Variants in MORN1 observed in about 807,000 individuals in gnomAD.
MORN1 encodes the protein MORN repeat-containing protein 1.
MORN1 carries 67 observed loss-of-function variants against 61.9 expected under a neutral mutation model. The observed-to-expected ratio is 1.08, with a 90% CI of 0.89 to 1.33. The LOEUF (loss-of-function observed/expected upper bound fraction) is 1.33. MORN1 is among the 40% of genes most tolerant of loss of function. The pLI is 0.00. For synonymous variants in MORN1, 301 were observed against 292.0 expected, an observed-to-expected ratio of 1.03 and a Z score of -0.31; for missense variants, 752 against 691.2, an observed-to-expected ratio of 1.09 and a Z score of -0.99.
Position 2,336,511 on chromosome 1 carries a change from C to G in MORN1, c.1208G>C (p.Arg403Thr). 1 of 1,612,792 alleles carries G rather than the reference C, an allele frequency of 6.2e-7. No individual in the cohort carries two copies. The highest frequency in any genetic ancestry group is 8.5e-7 in the Non-Finnish European group (1 of 1,179,820). The change falls in exon 12 of 14, where the codon AGG becomes ACG. Residue 403 changes from arginine (R) to threonine (T), a missense_variant. Coordinates refer to ENST00000378531, the MANE Select transcript of MORN1 (RefSeq NM_024848.3). ...GGRSRGGLHP[R>T]GTPPTAQEPP... ...CTCCTGTGCCGTGGGTGGTGTCCCC[C>G]TGGGGTGCAGGCCGCCTCTGGATCT...
chr1:2,389,322 G>A (rs1415059406), intron 2 of MORN1, among the ~76,000 whole-genome samples: 2 of 152,220 alleles, frequency 1.3e-5, no homozygotes, highest in African/African-American at 4.8e-5. Context: ...AGGCTGGAGT[G>A]CAGTGGCACA....
In MORN1 at chr1:2,357,950, G is replaced by A. The variant is rs893551978; in HGVS notation, c.870-352C>T. Among the ~76,000 whole-genome samples, 3 of 152,204 alleles carry A rather than the reference G, an allele frequency of 2.0e-5. No individual in the cohort carries two copies. The highest frequency in any genetic ancestry group is 4.8e-5 in the African/African-American group (2 of 41,448). ...CAGTCCTTAACTCAGGAGAAGGGCC[G>A]GTGGGAAAAGGGAGTGTGAGAGCTG... is the stretch of plus-strand genomic sequence containing the variant. On this transcript the variant is annotated intron_variant, in intron 9 of 13. Transcript: ENST00000378531. The surrounding 1 kb of genome is among the most constrained non-coding windows in gnomAD (Gnocchi z 6.3).
At chr1:2,355,928 G>C (rs946740877) in intron 10 of MORN1, among the ~76,000 whole-genome samples, 4 of 152,216 alleles carry the variant, frequency 2.6e-5, no homozygotes, top group Non-Finnish European at 4.4e-5. Context: ...TTTGGGGCCT[G>C]CTAGGCTGGC....
rs1233852638 is a variant in MORN1, at chr1:2,321,356, G to A, written c.*27C>T. ...GGCAGCGTTTCCTTCCATTCACACC[G>A]AGGTGGCCTCCTGTGGACACGGGGC... is the stretch of plus-strand genomic sequence containing the variant. On this transcript the variant is annotated 3_prime_UTR_variant, in exon 14 of 14. Transcript: ENST00000378531. The A allele has an allele frequency of 2.8e-6, 4 of 1,431,670 alleles. No homozygotes were observed. The highest frequency in any genetic ancestry group is 2.6e-5 in the Admixed American group (1 of 37,834). 88.7% of individuals were successfully genotyped at this position (1,431,670 alleles called of 1,614,324 possible).
At chr1:2,374,434 T>G (rs1642190043) in intron 7 of MORN1, 27 bp downstream of exon 7, 2 of 1,546,060 alleles carry the variant, frequency 1.3e-6, no homozygotes, top group Non-Finnish European at 1.8e-6. Flanking sequence ...GACCTCACAG[T>G]GCCCACAGGA....
rs1557875245 is a variant in MORN1 at position 2,346,150 on chromosome 1, AGGAACCTTCCTCAGACAAAGCCACCAG to A, written c.1037-9327_1037-9301del. On this transcript the variant is annotated intron_variant, in intron 10 of 13. Transcript: ENST00000378531. ...GGAACCTTCCTCACACAAAGCCACC[AGGAACCTTCCTCAGACAAAGCCACCAG>A]GGAACCTTCCTCAGACAAAGCCACC... Among the ~76,000 whole-genome samples, 7 of 151,402 alleles carry A rather than the reference AGGAACCTTCCTCAGACAAAGCCACCAG, an allele frequency of 4.6e-5. No homozygotes were observed. The East Asian group carries it at 9.9e-4, about 22-fold the overall frequency.
intron 13 of MORN1, chr1:2,322,541 G>T: frequency 9.1e-6 from 9 of 985,078 alleles, no homozygotes; most frequent in Non-Finnish European, 1.1e-5. Context: ...GCTTGGCCCC[G>T]AGTCAGCTCC....
intron 10 of MORN1, among the ~76,000 whole-genome samples, chr1:2,353,739 C>T (rs867938442): frequency 1.3e-5 from 2 of 152,228 alleles, no homozygotes; most frequent in African/African-American, 4.8e-5. Context: ...CTCCAGGTAC[C>T]GAGAGAGGCC....
chr1:2,383,237 T>C (rs1642411717), intron 6 of MORN1, among the ~76,000 whole-genome samples: 1 of 152,238 alleles, frequency 6.6e-6, no homozygotes, highest in African/African-American at 2.4e-5. Flanking sequence ...AAGGCGGGAC[T>C]GTGGGAGGTA....
intron 6 of MORN1, chr1:2,378,716 TGTCTGCTCC>T: frequency 2.8e-6 from 1 of 358,902 alleles, no homozygotes; most frequent in Non-Finnish European, 5.5e-6. Flanking sequence ...GCCTCTACTC[TGTCTGCTCC>T]GTCTCCCACC....
intron 12 of MORN1, among the ~76,000 whole-genome samples, chr1:2,335,403 G>T (rs1038473139): frequency 2.6e-5 from 4 of 152,206 alleles, no homozygotes; most frequent in Non-Finnish European, 4.4e-5. Flanking sequence ...CAGAGGCAGA[G>T]GAGGTCTCGA....
At position 2,351,559 on chromosome 1, in the gene MORN1, G is replaced by A. The variant is rs189945966; in HGVS notation, c.1036+5873C>T. 2.8e-3 allele frequency: 582 copies of A among 210,744 alleles called. 4 individuals carry two copies. Among genetic ancestry groups the A allele is most frequent in the Middle Eastern group, 9.3e-3 (5 of 540 alleles). 13.1% of individuals were successfully genotyped at this position (210,744 alleles called of 1,614,324 possible). A position where few individuals can be genotyped will look rare whatever the true frequency, so the allele number is the denominator to read the frequency against. ...TCTTTGCCAGCACATTGCGCTTCTT[G>A]TCTCTGTGTGGCCTGGTGTGGCCGG... On this transcript the variant is annotated intron_variant, in intron 10 of 13. Coordinates refer to ENST00000378531, the MANE Select transcript of MORN1 (RefSeq NM_024848.3).
rs1641228499 is a variant in MORN1 at position 2,334,662 on chromosome 1, C to T, written c.1250+1807G>A. On this transcript the variant is annotated intron_variant, in intron 12 of 13. Coordinates refer to ENST00000378531, the MANE Select transcript of MORN1 (RefSeq NM_024848.3). The surrounding 1 kb of genome is among the most constrained non-coding windows in gnomAD (Gnocchi z 5.4). ...GATGTGTGCCCCGAAGAGACGACATCATTTGAACACTGAACACTCCGACTC... is the reference window on the plus strand; with the variant it reads ...GATGTGTGCCCCGAAGAGACGACATTATTTGAACACTGAACACTCCGACTC... 6.6e-6 allele frequency among the ~76,000 whole-genome samples: 1 copy of T among 152,212 alleles called. No individual in the cohort carries two copies. Among genetic ancestry groups the T allele is most frequent in the South Asian group, 2.1e-4 (1 of 4,832 alleles).
intron 6 of MORN1, among the ~76,000 whole-genome samples, chr1:2,380,050 C>T (rs1484197081): frequency 3.9e-5 from 6 of 152,130 alleles, no homozygotes; most frequent in African/African-American, 1.2e-4. Flanking sequence ...GGTGCGGGCC[C>T]GGCTCAGCCT....
chr1:2,385,909 A>G lies in MORN1; in HGVS notation c.359-12T>C. 1 of 1,612,482 alleles carries G rather than the reference A, an allele frequency of 6.2e-7. No individual in the cohort carries two copies. Among genetic ancestry groups the G allele is most frequent in the Non-Finnish European group, 8.5e-7 (1 of 1,178,808 alleles). ...CAGAAACCCGTGTCCTGGAGAAGGGACCGAGAGACAGACTTGGCTTTGTGC... is the reference window on the plus strand; with the variant it reads ...CAGAAACCCGTGTCCTGGAGAAGGGGCCGAGAGACAGACTTGGCTTTGTGC... On this transcript the variant is annotated splice_polypyrimidine_tract_variant and intron_variant, in intron 4 of 13. Coordinates refer to ENST00000378531, the MANE Select transcript of MORN1 (RefSeq NM_024848.3).
At chr1:2,338,666 G>T (rs1641332883) in intron 10 of MORN1, among the ~76,000 whole-genome samples, 1 of 152,202 alleles carries the variant, frequency 6.6e-6, no homozygotes. Context: ...TTTAGAAAAG[G>T]TATTTTTAGA....
At chr1:2,358,776 G>A (rs1641831315) in intron 8 of MORN1, 61 bp from the exon 9 acceptor site, 2 of 1,552,212 alleles carry the variant, frequency 1.3e-6, no homozygotes, top group African/African-American at 2.7e-5. Flanking sequence ...GGGTGCGCGG[G>A]CCCGGGGCAG....
intron 5 of MORN1, 99 bp downstream of exon 5, chr1:2,385,708 T>C (rs1311901576): frequency 9.0e-7 from 1 of 1,107,540 alleles, no homozygotes; most frequent in African/African-American, 1.5e-5. Context: ...GCCCGGGGTG[T>C]CCCATGGCAG....
chr1:2,372,512 C>G lies in MORN1; in HGVS notation c.714G>C (p.Gln238His), dbSNP rs772637881. The G allele has an allele frequency of 7.4e-6, 12 of 1,614,024 alleles. No homozygotes were observed. The highest frequency in any genetic ancestry group is 1.0e-5 in the Non-Finnish European group (12 of 1,179,982). The change falls in exon 8 of 14, where the codon CAG becomes CAC. Residue 238 changes from glutamine to histidine, a missense_variant. Physicochemically the swap from Gln to His is conservative, Grantham distance 24. Coordinates refer to ENST00000378531, the MANE Select transcript of MORN1 (RefSeq NM_024848.3). This position sits in a 1 kb window ranked among gnomAD's most constrained non-coding sequence, Gnocchi z 5.4. ...CAATTTCCCCGTGGTCCTGCAGCAG[C>G]TGAACGTTCACCGAGAAGGGAGACC... is the stretch of plus-strand genomic sequence containing the variant. ...AQGSPFSVNVQLLQDHGEIAK... is the reference protein window; with the variant it reads ...AQGSPFSVNVHLLQDHGEIAK...
Sources: gnomAD v4.1 joint callset for allele counts (sites outside exome capture counted in the v4.1 genomes callset) on GRCh38, gnomAD v4.1.1 for gene constraint, Gnocchi (gnomAD v3.1) non-coding constraint, MANE v1.5 for transcripts, NCBI Gene and HGNC (gene_info 2026-07-23, HGNC 2026-07-21) for gene names.